CADM2: variants seen among roughly 807,000 people sequenced by gnomAD.
CADM2 encodes cell adhesion molecule 2.
A neutral mutation model predicts 49.8 loss-of-function variants in CADM2; 12 were observed. The observed-to-expected ratio is 0.24, with a 90% CI of 0.15 to 0.39. The LOEUF is 0.39. CADM2 is among the 10% of genes least tolerant of loss of function. The probability of loss-of-function intolerance (pLI) is 1.00; values close to 1 mark genes in which losing one functional copy is unlikely to be tolerated. For synonymous variants in CADM2, 214 were observed against 175.4 expected, an observed-to-expected ratio of 1.22 and a Z score of -1.74; for missense variants, 378 against 492.3, an observed-to-expected ratio of 0.77 and a Z score of 2.20.
At chr3:85,003,465 A>G (rs1354100754) in intron 1 of CADM2, among the ~76,000 whole-genome samples, 1 of 152,170 alleles carries the variant, frequency 6.6e-6, no homozygotes, top group Non-Finnish European at 1.5e-5. Context: ...AAAATAGAAA[A>G]TTTACCATAT....
intron 8 of CADM2, among the ~76,000 whole-genome samples, chr3:86,041,160 G>A (rs1398196533): frequency 1.3e-5 from 2 of 152,176 alleles, no homozygotes; most frequent in South Asian, 4.1e-4. Flanking sequence ...AGGCTAAGAA[G>A]AAACTGAATG....
chr3:85,234,083 G>A (rs72915076), intron 1 of CADM2, among the ~76,000 whole-genome samples: 10,327 of 152,020 alleles, frequency 0.068, 1,149 homozygotes, highest in African/African-American at 0.23. Context: ...CTGTTTTGCA[G>A]ATAGGTTACC....
intron 3 of CADM2, among the ~76,000 whole-genome samples, chr3:85,850,361 G>A (rs1184831246): frequency 1.6e-5 from 2 of 124,040 alleles, no homozygotes; most frequent in Non-Finnish European, 1.6e-5. Context: ...GTCTCGCTCC[G>A]TCGCCCAGGC....
At position 85,713,962 on chromosome 3, in the gene CADM2, G is replaced by A. The variant is rs114770810; in HGVS notation, c.62-12560G>A. Among the ~76,000 whole-genome samples, 177 of 152,244 alleles carry A rather than the reference G, an allele frequency of 1.2e-3. 1 individual carries two copies. The highest frequency in any genetic ancestry group is 4.1e-3 in the African/African-American group (170 of 41,536). On this transcript the variant is annotated intron_variant, in intron 1 of 9. Transcript: ENST00000383699. Reference sequence around the variant, plus strand: ...GTAGTACAGGGTATTTGATACGGTGGCTTTATGCACAACATTCTGGAGGTC... The same window carrying A: ...GTAGTACAGGGTATTTGATACGGTGACTTTATGCACAACATTCTGGAGGTC...
intron 1 of CADM2, among the ~76,000 whole-genome samples, chr3:85,321,544 T>C (rs576938363): frequency 6.6e-6 from 1 of 152,166 alleles, no homozygotes; most frequent in South Asian, 2.1e-4. Context: ...ATTCAGATAA[T>C]GTTTTAAAGA....
chr3:86,035,454 C>G (rs1735042516), intron 8 of CADM2, among the ~76,000 whole-genome samples: 1 of 152,036 alleles, frequency 6.6e-6, no homozygotes, highest in African/African-American at 2.4e-5. Flanking sequence ...GTGATCAGTT[C>G]TGAGATCACG....
intron 1 of CADM2, among the ~76,000 whole-genome samples, chr3:85,468,293 G>A (rs747667345): frequency 1.3e-5 from 2 of 151,360 alleles, no homozygotes; most frequent in African/African-American, 4.9e-5. Flanking sequence ...TGCCTCCCCC[G>A]TAGAGAAGAT....
intron 1 of CADM2, among the ~76,000 whole-genome samples, chr3:85,429,527 G>A (rs1463374874): frequency 6.6e-6 from 1 of 151,872 alleles, no homozygotes; most frequent in African/African-American, 2.4e-5. Context: ...TTTGATGCAA[G>A]TTATTCTTGT....
intron 1 of CADM2, among the ~76,000 whole-genome samples, chr3:85,282,298 G>T (rs1576274926): frequency 8.6e-6 from 1 of 116,052 alleles, no homozygotes; most frequent in African/African-American, 3.4e-5. Flanking sequence ...GTCTCACTCT[G>T]TTGCCCAGGC....
intron 1 of CADM2, among the ~76,000 whole-genome samples, chr3:85,396,834 A>G (rs2034817673): frequency 4.6e-5 from 7 of 152,088 alleles, no homozygotes. Context: ...TTTTCATGAC[A>G]TTGGATTTGC....
rs182005436 is a variant in CADM2 at position 85,489,160 on chromosome 3, T to A, written c.62-237362T>A. ...TTAAGAAAGGGGAATATAAACTTTATCTTACTTCAAATCCTACATCATTTT... is the reference window on the plus strand; with the variant it reads ...TTAAGAAAGGGGAATATAAACTTTAACTTACTTCAAATCCTACATCATTTT... On this transcript the variant is annotated intron_variant, in intron 1 of 9. Coordinates refer to ENST00000383699, the MANE Select transcript of CADM2 (RefSeq NM_001167675.2). Among the ~76,000 whole-genome samples, 4 of 152,302 alleles carry A rather than the reference T, an allele frequency of 2.6e-5. No individual in the cohort carries two copies. In the East Asian group the frequency reaches 7.7e-4, roughly 29 times the overall value.
intron 1 of CADM2, among the ~76,000 whole-genome samples, chr3:85,552,462 G>A (rs1166000061): frequency 7.5e-6 from 1 of 132,898 alleles, no homozygotes; most frequent in Non-Finnish European, 1.5e-5. Context: ...CTCACTGCAA[G>A]CTCCGCCTCC....
rs1009276893 is a variant in CADM2, at chr3:85,845,745, G to A, written c.239-37546G>A. Among the ~76,000 whole-genome samples, 28 of 152,240 alleles carry A rather than the reference G, an allele frequency of 1.8e-4. No individual in the cohort carries two copies. In the Middle Eastern group the frequency reaches 0.01, roughly 55 times the overall value. ...ATCATTAATCCTATATCCACAATAC[G>A]TGCCTTATAGAATACTACAACACTA... On this transcript the variant is annotated intron_variant, in intron 3 of 9. Coordinates refer to ENST00000383699, the MANE Select transcript of CADM2 (RefSeq NM_001167675.2).
chr3:85,659,289 T>C lies in CADM2; in HGVS notation c.62-67233T>C, dbSNP rs958505146. Among the ~76,000 whole-genome samples the C allele has an allele frequency of 1.1e-4, 17 of 152,006 alleles. No individual in the cohort carries two copies. The Middle Eastern group carries it at 0.01, about 92-fold the overall frequency. On this transcript the variant is annotated intron_variant, in intron 1 of 9. Transcript: ENST00000383699. ...ACCAGAACATGTCTACTACAGTTTT[T>C]CCCTTTTCTTTCTTTTAATATTATA...
chr3:85,042,039 A>G (rs575818323), intron 1 of CADM2, among the ~76,000 whole-genome samples: 1 of 152,316 alleles, frequency 6.6e-6, no homozygotes, highest in East Asian at 1.9e-4. Context: ...ATATTGGTGT[A>G]CATTCCTTCA....
At chr3:85,519,096 G>C (rs904349315) in intron 1 of CADM2, among the ~76,000 whole-genome samples, 1 of 151,886 alleles carries the variant, frequency 6.6e-6, no homozygotes, top group South Asian at 2.1e-4. Flanking sequence ...ATGTATAATA[G>C]AGCATTACAC....
chr3:85,745,153 C>T (rs1157262618), intron 2 of CADM2, among the ~76,000 whole-genome samples: 1 of 152,058 alleles, frequency 6.6e-6, no homozygotes, highest in Non-Finnish European at 1.5e-5. Context: ...GTTAAAAGCC[C>T]AAGCAATTTC....
At chr3:86,055,471 T>G (rs1272636286) in intron 8 of CADM2, among the ~76,000 whole-genome samples, 12 of 131,322 alleles carry the variant, frequency 9.1e-5, no homozygotes, top group Admixed American at 3.2e-4. Context: ...TTTTTTTTTT[T>G]TTTTTTTTGG....
intron 2 of CADM2, among the ~76,000 whole-genome samples, chr3:85,752,407 C>G (rs1239506693): frequency 6.6e-6 from 1 of 151,282 alleles, no homozygotes; most frequent in Non-Finnish European, 1.5e-5. Context: ...CCAGGAAGAA[C>G]TTTAACATCT....
Sources: allele counts gnomAD v4.1 joint callset (sites outside exome capture counted in the v4.1 genomes callset), GRCh38; gene constraint gnomAD v4.1.1; transcripts MANE v1.5; gene names NCBI Gene and HGNC (gene_info 2026-07-23, HGNC 2026-07-21).